The following CDC20 variants were observed in gnomAD, a reference collection of about 807,000 sequenced individuals.
CDC20 encodes cell division cycle protein 20 homolog.
In CDC20, 34 loss-of-function variants were observed where a neutral mutation model predicts 60.0. The ratio of observed to expected loss-of-function variants is 0.57; its 90% confidence interval spans 0.43 to 0.75. The LOEUF (loss-of-function observed/expected upper bound fraction) is 0.75. Among genes scored for constraint, CDC20 ranks in the 30% least tolerant of loss-of-function variants. The pLI is 0.00. For missense variants in CDC20, 469 were observed against 647.3 expected (o/e 0.72, Z 2.99); for synonymous variants, 198 against 243.5 (o/e 0.81, Z 1.74).
At chr1:43,361,308 C>T (rs1647171777) in intron 9 of CDC20, 63 bp downstream of exon 9, 2 of 1,455,484 alleles carry the variant, frequency 1.4e-6, no homozygotes, top group Non-Finnish European at 9.2e-7. Context: ...ACATTCACTC[C>T]AATGGCTTCA....
Position 43,363,066 on chromosome 1 carries a change from G to C in CDC20, c.1437G>C (p.Arg479=). ...GCTGTTTTGAGTTGGACCCTGCGCG[G>C]CGGCGGGAGCGGGAGAAGGCCAGTG... ...LWRCFELDPA[R]RREREKASAA... is the part of the protein sequence containing the mutation. Residue 479 remains arginine (R), a synonymous_variant, in exon 11 of 11, where the codon CGG becomes CGC. Coordinates refer to ENST00000310955, the MANE Select transcript of CDC20 (RefSeq NM_001255.3). 2.5e-6 allele frequency: 4 copies of C among 1,613,586 alleles called. No individual in the cohort carries two copies. The highest frequency in any genetic ancestry group is 3.4e-6 in the Non-Finnish European group (4 of 1,179,862).
In CDC20 at chr1:43,363,184, C is replaced by T; in HGVS notation, c.*55C>T. ...ATTTTTCTAATAAAGTCATGTCTCC[C>T]TTCATGTTTTTTTTTTAAATCTGTT... On this transcript the variant is annotated 3_prime_UTR_variant, in exon 11 of 11. Transcript: ENST00000310955. 8 of 1,523,998 alleles carry T rather than the reference C, an allele frequency of 5.2e-6. No homozygotes were observed. Among genetic ancestry groups the T allele is most frequent in the Non-Finnish European group, 7.2e-6 (8 of 1,113,464 alleles). The allele number at this position is 1,523,998 out of a possible 1,614,324, so 94.4% of individuals were successfully genotyped here. A position where few individuals can be genotyped will look rare whatever the true frequency, so the allele number is the denominator to read the frequency against.
chr1:43,363,079 G>A lies in CDC20; in HGVS notation c.1450G>A (p.Glu484Lys), dbSNP rs370248113. 10 of 1,613,464 alleles carry A rather than the reference G, an allele frequency of 6.2e-6. No homozygotes were observed. The highest frequency in any genetic ancestry group is 2.7e-5 in the African/African-American group (2 of 74,738). Residue 484 changes from glutamate to lysine, a missense_variant, in exon 11 of 11, where the codon GAG becomes AAG. Coordinates refer to ENST00000310955, the MANE Select transcript of CDC20 (RefSeq NM_001255.3). ...GGACCCTGCGCGGCGGCGGGAGCGGGAGAAGGCCAGTGCAGCCAAAAGCAG... is the reference window on the plus strand; with the variant it reads ...GGACCCTGCGCGGCGGCGGGAGCGGAAGAAGGCCAGTGCAGCCAAAAGCAG... ...ELDPARRRER[E>K]KASAAKSSLI...
rs764603179 is a variant in CDC20 at position 43,359,273 on chromosome 1, A to C, written c.58A>C (p.Ile20Leu). The C allele has an allele frequency of 4.2e-5, 68 of 1,612,012 alleles. 2 individuals are homozygous for C. The South Asian group carries it at 6.6e-4, about 16-fold the overall frequency. Residue 20 changes from isoleucine to leucine, a missense_variant, in exon 2 of 11, where the codon ATC becomes CTC. Ile to Leu is a conservative substitution (Grantham distance 5, BLOSUM62 2). Coordinates refer to ENST00000310955, the MANE Select transcript of CDC20 (RefSeq NM_001255.3). ...CTCGCTGCTTCAGCTGGATGCACCC[A>C]TCCCCAATGCACCCCCTGCGCGCTG... ...LHSLLQLDAPIPNAPPARWQR... is the reference protein window; with the variant it reads ...LHSLLQLDAPLPNAPPARWQR...
rs760554077 is a variant in CDC20, at chr1:43,359,714, C to G, written c.331-11C>G. The G allele has an allele frequency of 2.5e-6, 4 of 1,613,884 alleles. No individual in the cohort carries two copies. The highest frequency in any genetic ancestry group is 3.4e-6 in the Non-Finnish European group (4 of 1,179,992). On this transcript the variant is annotated splice_polypyrimidine_tract_variant and intron_variant, in intron 3 of 10. Coordinates refer to ENST00000310955, the MANE Select transcript of CDC20 (RefSeq NM_001255.3). ...AATACCATCTTGCTCCTTCACTACC[C>G]TTTATGCCAGGAACATCAGAAAGCC...
intron 6 of CDC20, 26 bp downstream of exon 6, chr1:43,360,415 C>T (rs1351910031): frequency 1.9e-6 from 3 of 1,612,240 alleles, no homozygotes; most frequent in African/African-American, 2.7e-5. Flanking sequence ...TGCTGTCATT[C>T]TCACCAGTCC....
At chr1:43,361,659 C>T (rs1570482923) in intron 9 of CDC20, among the ~76,000 whole-genome samples, 1 of 152,244 alleles carries the variant, frequency 6.6e-6, no homozygotes, top group South Asian at 2.1e-4. Context: ...ACAATGGCTT[C>T]CTCACTGGTG....
chr1:43,359,206 G>A lies in CDC20; in HGVS notation c.-10G>A, dbSNP rs1343762968. 6.2e-7 allele frequency: 1 copy of A among 1,611,494 alleles called. No individual in the cohort carries two copies. Among genetic ancestry groups the A allele is most frequent in the Non-Finnish European group, 8.5e-7 (1 of 1,179,870 alleles). On this transcript the variant is annotated 5_prime_UTR_variant, in exon 2 of 11. Coordinates refer to ENST00000310955, the MANE Select transcript of CDC20 (RefSeq NM_001255.3). ...CAACTGCAAGGACCCCTCCCCCTGCGGGCGCTCCCATGGCACAGTTCGCGT... is the reference window on the plus strand; with the variant it reads ...CAACTGCAAGGACCCCTCCCCCTGCAGGCGCTCCCATGGCACAGTTCGCGT...
intron 1 of CDC20, 23 bp downstream of exon 1, chr1:43,359,029 C>A (rs1647155932): frequency 3.2e-6 from 2 of 629,292 alleles, no homozygotes; most frequent in Non-Finnish European, 2.8e-6. Context: ...GGGGCTGAGC[C>A]GAGGTGGGGC....
Position 43,360,553 on chromosome 1 carries a change from C to T in CDC20, c.808C>T (p.Arg270Ter), listed in dbSNP as rs748924941. 2 of 1,614,134 alleles carry T rather than the reference C, an allele frequency of 1.2e-6. No individual in the cohort carries two copies. Among genetic ancestry groups the T allele is most frequent in the African/African-American group, 1.3e-5 (1 of 75,056 alleles). The change falls in exon 7 of 11, where the codon CGA (arginine) becomes TGA (stop). Residue 270 changes from arginine to a stop codon, truncating the protein, a stop_gained. Coordinates refer to ENST00000310955, the MANE Select transcript of CDC20 (RefSeq NM_001255.3). LOFTEE classifies it high-confidence loss of function. The stretch of plus-strand genomic sequence containing the variant: ...TCGAAATATGACCAGTCACTCTGCC[C>T]GAGTGGGCTCCCTAAGCTGGAACAG... The part of the protein sequence containing the change: ...RLRNMTSHSA[R>*]VGSLSWNSYI...
rs746546243 is a variant in CDC20, at chr1:43,361,163, G to GA, written c.1122dup (p.Gly375ArgfsTer5). ...TGGCAGTCCAATGTCCTGGCAACAGGAGGGGGCACCAGTGATCGACACATT... is the reference window on the plus strand; with the variant it reads ...TGGCAGTCCAATGTCCTGGCAACAGGAAGGGGGCACCAGTGATCGACACATT... On this transcript the variant is annotated frameshift_variant, in exon 9 of 11. Transcript: ENST00000310955. LOFTEE classifies it high-confidence loss of function. 1.1e-5 allele frequency: 17 copies of GA among 1,613,972 alleles called. No homozygotes were observed. The highest frequency in any genetic ancestry group is 1.4e-5 in the Non-Finnish European group (16 of 1,179,998).
intron 10 of CDC20, among the ~76,000 whole-genome samples, 185 bp from the exon 11 acceptor site, chr1:43,362,766 G>GAGGC (rs1471257292): frequency 6.6e-6 from 1 of 152,218 alleles, no homozygotes; most frequent in Non-Finnish European, 1.5e-5. Flanking sequence ...TCGGGAGGCT[G>GAGGC]AGGCAGGAAA....
intron 6 of CDC20, 28 bp downstream of exon 6, chr1:43,360,417 C>T: frequency 6.2e-7 from 1 of 1,612,090 alleles, no homozygotes; most frequent in Non-Finnish European, 8.5e-7. Flanking sequence ...CTGTCATTCT[C>T]ACCAGTCCCA....
At chr1:43,359,040 C>G in intron 1 of CDC20, 34 bp downstream of exon 1, 1 of 649,970 alleles carries the variant, frequency 1.5e-6, no homozygotes, top group Non-Finnish European at 2.7e-6. Context: ...GAGGTGGGGC[C>G]GTGGCCAGGG....
At chr1:43,361,297 T>G in intron 9 of CDC20, 52 bp downstream of exon 9, 1 of 1,496,780 alleles carries the variant, frequency 6.7e-7, no homozygotes, top group African/African-American at 1.4e-5. Flanking sequence ...ACCGGGCAAC[T>G]ACATTCACTC....
intron 2 of CDC20, 34 bp from the exon 3 acceptor site, chr1:43,359,456 C>A: frequency 6.2e-7 from 1 of 1,613,488 alleles, no homozygotes; most frequent in South Asian, 1.1e-5. Flanking sequence ...CCCTGGGGAG[C>A]CTGGTCAGAC....
At position 43,361,190 on chromosome 1, in the gene CDC20, G is replaced by A. The variant is rs879241526; in HGVS notation, c.1148G>A (p.Arg383His). The part of the protein sequence containing the change: ...TGGGTSDRHI[R>H]IWNVCSGACL... ...GGGGGCACCAGTGATCGACACATTCGCATCTGGAATGTGTGCTCTGGGGCC... is the reference window on the plus strand; with the variant it reads ...GGGGGCACCAGTGATCGACACATTCACATCTGGAATGTGTGCTCTGGGGCC... The change falls in exon 9 of 11, where the codon CGC (arginine) becomes CAC (histidine). Residue 383 changes from arginine to histidine, a missense_variant. By Grantham distance (29) the Arg-to-His change is conservative. Coordinates refer to ENST00000310955, the MANE Select transcript of CDC20 (RefSeq NM_001255.3). The A allele has an allele frequency of 4.3e-6, 7 of 1,612,996 alleles. No homozygotes were observed. The highest frequency in any genetic ancestry group is 1.7e-5 in the Admixed American group (1 of 59,944).
At chr1:43,362,423 G>A (rs1365799326) in intron 10 of CDC20, 111 bp downstream of exon 10, 3 of 631,722 alleles carry the variant, frequency 4.7e-6, no homozygotes, top group Admixed American at 5.3e-5. Context: ...CAGGGGCTGA[G>A]AGAGGGTAAT....
chr1:43,359,427 A>T (rs1472446370), intron 2 of CDC20, 31 bp downstream of exon 2: 2 of 1,612,712 alleles, frequency 1.2e-6, no homozygotes, highest in African/African-American at 1.3e-5. Flanking sequence ...ACTGAGTGAG[A>T]GCAGCCTTCA....
Sources: gnomAD v4.1 joint callset for allele counts (sites outside exome capture counted in the v4.1 genomes callset) on GRCh38, gnomAD v4.1.1 for gene constraint, MANE v1.5 for transcripts, NCBI Gene and HGNC (gene_info 2026-07-23, HGNC 2026-07-21) for gene names.